Variants in CDH7 observed in about 807,000 individuals in gnomAD.
CDH7 encodes cadherin 7.
CDH7 carries 25 observed loss-of-function variants against 71.8 expected under a neutral mutation model. The ratio of observed to expected loss-of-function variants is 0.35; its 90% CI spans 0.25 to 0.49. CDH7 has a LOEUF of 0.49. Among genes scored for constraint, CDH7 ranks in the 20% least tolerant of loss-of-function variants. The pLI is 0.99. For missense variants in CDH7, 862 were observed against 974.6 expected (o/e 0.88, Z 1.54); for synonymous variants, 381 against 363.8 (o/e 1.05, Z -0.54).
At chr18:65,808,150 T>C (rs1173240029) in intron 2 of CDH7, among the ~76,000 whole-genome samples, 1 of 152,236 alleles carries the variant, frequency 6.6e-6, no homozygotes, top group Non-Finnish European at 1.5e-5. Flanking sequence ...ATGTAAATAA[T>C]GTTCTACCCA....
intron 1 of CDH7, among the ~76,000 whole-genome samples, chr18:65,758,957 C>T (rs1199039324): frequency 1.3e-5 from 2 of 152,080 alleles, no homozygotes; most frequent in East Asian, 3.9e-4. Flanking sequence ...TTTTAAAAAC[C>T]CTTGATTAAA....
chr18:65,880,982 C>T lies in CDH7; in HGVS notation c.*88C>T. 1 of 1,304,156 alleles carries T rather than the reference C, an allele frequency of 7.7e-7. No homozygotes were observed. The allele number at this position is 1,304,156 out of a possible 1,614,324, so 80.8% of individuals were successfully genotyped here. A position where few individuals can be genotyped will look rare whatever the true frequency, so the allele number is the denominator to read the frequency against. ...AAATAAAATAATAAACCACTACATA[C>T]AGAAAACAAGAACTCCCCTTGCTGG... On this transcript the variant is annotated 3_prime_UTR_variant, in exon 12 of 12. Transcript: ENST00000397968.
chr18:65,866,933 G>C (rs1441140178), intron 11 of CDH7, among the ~76,000 whole-genome samples: 1 of 151,364 alleles, frequency 6.6e-6, no homozygotes, highest in African/African-American at 2.4e-5. Context: ...ATAAGCTATT[G>C]CTATACTCAC....
chr18:65,837,442 A>T (rs191691810), intron 6 of CDH7, among the ~76,000 whole-genome samples: 2 of 152,330 alleles, frequency 1.3e-5, no homozygotes, highest in Non-Finnish European at 2.9e-5. Flanking sequence ...ACAACCTGGA[A>T]AAAGGCTCCT....
intron 11 of CDH7, among the ~76,000 whole-genome samples, chr18:65,879,723 A>G (rs1472556450): frequency 1.3e-5 from 2 of 152,224 alleles, no homozygotes; most frequent in Non-Finnish European, 2.9e-5. Flanking sequence ...TCCTAACATT[A>G]AAGGGGTGAT....
chr18:65,814,153 A>G (rs2143916762), intron 3 of CDH7, among the ~76,000 whole-genome samples: 1 of 152,214 alleles, frequency 6.6e-6, no homozygotes, highest in South Asian at 2.1e-4. Flanking sequence ...TGATGAAAAT[A>G]TATTACCTGA....
chr18:65,813,169 T>G (rs8097971), intron 3 of CDH7, among the ~76,000 whole-genome samples: 3,648 of 152,054 alleles, frequency 0.024, 64 homozygotes, highest in African/African-American at 0.037. Context: ...CCTGTCTCTA[T>G]TAAAAATACA....
At chr18:65,873,785 G>A (rs534073472) in intron 11 of CDH7, among the ~76,000 whole-genome samples, 2 of 152,252 alleles carry the variant, frequency 1.3e-5, no homozygotes, top group East Asian at 1.9e-4. Flanking sequence ...TATCCCTCAA[G>A]TCACATTTCA....
intron 6 of CDH7, among the ~76,000 whole-genome samples, chr18:65,827,820 T>A (rs1329905285): frequency 1.3e-5 from 2 of 151,974 alleles, no homozygotes; most frequent in African/African-American, 2.4e-5. Context: ...CATTAATTCA[T>A]CATGATAGGA....
At chr18:65,837,901 T>C (rs1912587620) in intron 6 of CDH7, among the ~76,000 whole-genome samples, 1 of 151,026 alleles carries the variant, frequency 6.6e-6, no homozygotes, top group Non-Finnish European at 1.5e-5. Context: ...CTGGGTAGTA[T>C]GTTTATTTAG....
intron 2 of CDH7, among the ~76,000 whole-genome samples, chr18:65,805,154 G>C (rs1249273671): frequency 6.6e-6 from 1 of 152,024 alleles, no homozygotes; most frequent in East Asian, 1.9e-4. Flanking sequence ...ATTAAAGTTG[G>C]ATATAAAAAT....
At chr18:65,760,528 T>C (rs961077535) in intron 1 of CDH7, among the ~76,000 whole-genome samples, 1 of 152,206 alleles carries the variant, frequency 6.6e-6, no homozygotes, top group Non-Finnish European at 1.5e-5. Flanking sequence ...TTTTGCTCTA[T>C]TGCATCTAAA....
intron 2 of CDH7, among the ~76,000 whole-genome samples, chr18:65,794,000 C>G (rs925133781): frequency 2.6e-5 from 4 of 152,030 alleles, no homozygotes; most frequent in Admixed American, 2.0e-4. Context: ...TGGTGCATTC[C>G]CAGGGCAGAA....
upstream of CDH7, chr18:65,750,303 G>GT (rs1915826317): frequency 6.6e-6 from 1 of 151,324 alleles, no homozygotes; most frequent in South Asian, 2.1e-4. Flanking sequence ...CAAGAAAACT[G>GT]TAAGTTCTGA....
intron 7 of CDH7, among the ~76,000 whole-genome samples, chr18:65,846,039 G>A (rs1226296539): frequency 6.6e-6 from 1 of 151,928 alleles, no homozygotes; most frequent in African/African-American, 2.4e-5. Flanking sequence ...CCACTCCCTT[G>A]TTGTCATTCT....
chr18:65,770,052 G>T (rs1052794515), intron 2 of CDH7, among the ~76,000 whole-genome samples: 4 of 152,110 alleles, frequency 2.6e-5, no homozygotes, highest in African/African-American at 9.7e-5. Flanking sequence ...GAGGTGCAAG[G>T]GTTGATTCAG....
At chr18:65,802,737 T>G (rs1568193385) in intron 2 of CDH7, among the ~76,000 whole-genome samples, 1 of 152,184 alleles carries the variant, frequency 6.6e-6, no homozygotes, top group Non-Finnish European at 1.5e-5. Flanking sequence ...TAGGCAGATT[T>G]CTTAAGTTGT....
chr18:65,865,104 G>T (rs1913712966), intron 11 of CDH7, among the ~76,000 whole-genome samples: 1 of 151,932 alleles, frequency 6.6e-6, no homozygotes, highest in African/African-American at 2.4e-5. Flanking sequence ...ATTGTTTTTT[G>T]ATTATTTTAA....
rs1914245130 is a variant in CDH7 at position 65,881,990 on chromosome 18, CT to C, written c.*1099del. ...AGACTTCAGAGAGAATTGAGATTTTCTTTGATGCAAGAATTATTTTTCAAGA... is the reference window on the plus strand; with the variant it reads ...AGACTTCAGAGAGAATTGAGATTTTCTTGATGCAAGAATTATTTTTCAAGA... On this transcript the variant is annotated 3_prime_UTR_variant, in exon 12 of 12. Coordinates refer to ENST00000397968, the MANE Select transcript of CDH7 (RefSeq NM_004361.5). 1 of 152,118 alleles carries C rather than the reference CT, an allele frequency of 6.6e-6. No homozygotes were observed. The highest frequency in any genetic ancestry group is 3.2e-3 in the Middle Eastern group (1 of 316). 9.4% of individuals were successfully genotyped at this position (152,118 alleles called of 1,614,324 possible). A position where few individuals can be genotyped will look rare whatever the true frequency, so the allele number is the denominator to read the frequency against.
Sources: gnomAD v4.1 joint callset for allele counts (sites outside exome capture counted in the v4.1 genomes callset) on GRCh38, gnomAD v4.1.1 for gene constraint, MANE v1.5 for transcripts, NCBI Gene and HGNC (gene_info 2026-07-23, HGNC 2026-07-21) for gene names.